Variants in ROBO2 observed in about 807,000 individuals in gnomAD.
The protein encoded by ROBO2 is roundabout guidance receptor 2.
In ROBO2, 53 loss-of-function variants were observed where a neutral mutation model predicts 160.8. That is an observed-to-expected ratio of 0.33 (90% CI 0.26 to 0.41). The LOEUF is 0.41. Among genes scored for constraint, ROBO2 ranks in the 10% least tolerant of loss-of-function variants. ROBO2 has a pLI of 1.00. For synonymous variants in ROBO2, 664 were observed against 611.7 expected (o/e 1.09, Z -1.26); for missense variants, 1,577 against 1,722.4 (o/e 0.92, Z 1.49).
chr3:76,150,059 T>C (rs1175129835), intron 2 of ROBO2, among the ~76,000 whole-genome samples: 5 of 103,206 alleles, frequency 4.8e-5, no homozygotes, highest in East Asian at 3.3e-4. Context: ...ACACCTCTGT[T>C]TAAAACACTC....
At chr3:76,361,511 C>T (rs988547406) in intron 2 of ROBO2, among the ~76,000 whole-genome samples, 1 of 151,932 alleles carries the variant, frequency 6.6e-6, no homozygotes, top group Non-Finnish European at 1.5e-5. Context: ...CAAAAGAAAG[C>T]AGAATGTATT....
chr3:77,644,710 C>T lies in ROBO2; in HGVS notation c.3941C>T (p.Ala1314Val), dbSNP rs1170099455. 6 of 1,613,802 alleles carry T rather than the reference C, an allele frequency of 3.7e-6. No homozygotes were observed. The highest frequency in any genetic ancestry group is 5.1e-6 in the Non-Finnish European group (6 of 1,179,948). ...GGTTTTTTTTCTTTTTCAGAGGAGG[C>T]CTTGGTGCCCTATAGCAAGCCCAGT... The change falls in exon 25 of 26, where the codon GCC becomes GTC. Residue 1314 changes from alanine (A) to valine (V), a missense_variant. Physicochemically the swap from Ala to Val is moderately conservative, Grantham distance 64 (BLOSUM62 0). This residue lies in a region of ROBO2 where 637 missense variants were observed against 586.9 expected (regional missense o/e 1.09). Transcript: ENST00000461745.
intron 2 of ROBO2, among the ~76,000 whole-genome samples, chr3:76,885,887 A>T (rs921040667): frequency 2.3e-4 from 35 of 152,074 alleles, no homozygotes; most frequent in African/African-American, 7.7e-4. Context: ...TGCAACTGGG[A>T]CACATCAGGG....
rs1553886639 is a variant in ROBO2 at position 76,735,786 on chromosome 3, A to ATGGG, written c.110-362228_110-362227insTGGG. Among the ~76,000 whole-genome samples the ATGGG allele has an allele frequency of 1.7e-4, 22 of 126,610 alleles. 2 individuals are homozygous for ATGGG. The highest frequency in any genetic ancestry group is 8.5e-3 in the Middle Eastern group (2 of 236). 83.1% of individuals were successfully genotyped at this position (126,610 alleles called of 152,430 possible). ...AAAAAAAAAAAAAAAGAAAAAAAAAAGGGGAAAGGGAAAAGAAAAAAGAAA... is the reference window on the plus strand; with the variant it reads ...AAAAAAAAAAAAAAAGAAAAAAAAAATGGGGGGGAAAGGGAAAAGAAAAAAGAAA... On this transcript the variant is annotated intron_variant, in intron 2 of 26. Transcript: ENST00000487694.
chr3:76,348,955 C>T (rs543250986), intron 2 of ROBO2, among the ~76,000 whole-genome samples: 14 of 152,214 alleles, frequency 9.2e-5, no homozygotes, highest in East Asian at 3.9e-4. Context: ...GCTTAAGTCA[C>T]GGTTGTGTAT....
chr3:76,537,508 G>A (rs930285485), intron 2 of ROBO2, among the ~76,000 whole-genome samples: 4 of 152,192 alleles, frequency 2.6e-5, no homozygotes, highest in Admixed American at 2.0e-4. Context: ...TAGCGAGAGA[G>A]GCTGGAGAAG....
At chr3:76,456,392 A>G (rs1410761384) in intron 2 of ROBO2, among the ~76,000 whole-genome samples, 2 of 152,210 alleles carry the variant, frequency 1.3e-5, no homozygotes, top group Non-Finnish European at 2.9e-5. Context: ...ATGTTATTGA[A>G]TTATAACCAC....
intron 1 of ROBO2, among the ~76,000 whole-genome samples, chr3:77,057,262 G>A (rs919136046): frequency 6.6e-6 from 1 of 152,128 alleles, no homozygotes; most frequent in African/African-American, 2.4e-5. Context: ...ACTGAACAAT[G>A]AGAACACTTG....
At chr3:77,366,771 G>T (rs999637899) in intron 2 of ROBO2, among the ~76,000 whole-genome samples, 18 of 152,106 alleles carry the variant, frequency 1.2e-4, no homozygotes, top group African/African-American at 4.3e-4. Context: ...GTGAGAGTGA[G>T]AGAGAGAAAG....
At chr3:77,061,038 G>A (rs2066248568) in intron 1 of ROBO2, among the ~76,000 whole-genome samples, 1 of 151,850 alleles carries the variant, frequency 6.6e-6, no homozygotes, top group African/African-American at 2.4e-5. Context: ...TGGGTTCAAG[G>A]GATTCTTCTG....
intron 2 of ROBO2, among the ~76,000 whole-genome samples, chr3:76,079,645 G>A (rs1365517105): frequency 3.3e-5 from 5 of 151,556 alleles, no homozygotes; most frequent in South Asian, 2.1e-4. Context: ...CGCCACACCC[G>A]GCTAATTTCT....
intron 2 of ROBO2, among the ~76,000 whole-genome samples, chr3:76,285,073 G>A (rs944269892): frequency 2.0e-5 from 3 of 152,080 alleles, no homozygotes; most frequent in Non-Finnish European, 4.4e-5. Flanking sequence ...GAACAACCAA[G>A]TTTAATGAGA....
At chr3:76,605,550 T>C (rs2087582796) in intron 2 of ROBO2, among the ~76,000 whole-genome samples, 1 of 152,182 alleles carries the variant, frequency 6.6e-6, no homozygotes, top group Non-Finnish European at 1.5e-5. Context: ...CTGTGTAATT[T>C]GGATGTTCTA....
At chr3:77,438,755 G>A (rs1352034778) in intron 2 of ROBO2, among the ~76,000 whole-genome samples, 1 of 151,948 alleles carries the variant, frequency 6.6e-6, no homozygotes, top group Non-Finnish European at 1.5e-5. Context: ...AGGCAGATTT[G>A]ACCCACAGGG....
chr3:77,354,985 T>G (rs1466206440), intron 2 of ROBO2, among the ~76,000 whole-genome samples: 1 of 152,176 alleles, frequency 6.6e-6, no homozygotes, highest in Non-Finnish European at 1.5e-5. Flanking sequence ...TACAGTAAAA[T>G]TTACTTTTTT....
intron 1 of ROBO2, among the ~76,000 whole-genome samples, chr3:77,057,804 C>T (rs970808364): frequency 1.3e-5 from 2 of 151,812 alleles, no homozygotes; most frequent in African/African-American, 2.4e-5. Flanking sequence ...CTCCTGACCT[C>T]GTGATCCACC....
At chr3:76,643,473 G>A (rs2090807728) in intron 2 of ROBO2, among the ~76,000 whole-genome samples, 1 of 152,136 alleles carries the variant, frequency 6.6e-6, no homozygotes, top group South Asian at 2.1e-4. Context: ...GCTGATTAGA[G>A]AGCATGTATT....
Position 76,109,580 on chromosome 3 carries a change from A to G in ROBO2, c.109+171978A>G, listed in dbSNP as rs147765351. 5.4e-3 allele frequency among the ~76,000 whole-genome samples: 819 copies of G among 152,134 alleles called. 13 individuals carry two copies. The highest frequency in any genetic ancestry group is 0.019 in the African/African-American group (782 of 41,516). ...GTGTTGACTGTGCCTCCTGCTTTCA[A>G]TGTTTTTCATTTCTTTTTCCACTGG... On this transcript the variant is annotated intron_variant, in intron 2 of 26. Coordinates refer to the ROBO2 transcript ENST00000487694.
intron 2 of ROBO2, among the ~76,000 whole-genome samples, chr3:76,842,956 C>G (rs1453818216): frequency 2.5e-5 from 3 of 122,194 alleles, no homozygotes; most frequent in Non-Finnish European, 5.5e-5. Context: ...TTATTACAAG[C>G]CTTCTCATTT....
Sources: allele counts gnomAD v4.1 joint callset (sites outside exome capture counted in the v4.1 genomes callset), GRCh38; gene constraint gnomAD v4.1.1; regional missense constraint gnomAD v4.1.1; transcripts MANE v1.5; gene names NCBI Gene and HGNC (gene_info 2026-07-23, HGNC 2026-07-21).